Variants in ZDHHC18 observed in about 807,000 individuals in gnomAD.
The protein encoded by ZDHHC18 is palmitoyltransferase ZDHHC18.
Under a neutral mutation model 37.5 loss-of-function variants are expected in ZDHHC18, and 23 were observed. That is an observed-to-expected ratio of 0.61 (90% CI 0.44 to 0.87). The LOEUF is 0.87. Ranked by LOEUF, ZDHHC18 falls within the 40% of genes least tolerant of loss-of-function variation. The pLI, the probability that ZDHHC18 is intolerant of heterozygous loss-of-function variation, is 0.00. For missense variants in ZDHHC18, 406 were observed against 525.6 expected (o/e 0.77, Z 2.22); for synonymous variants, 185 against 218.7 (o/e 0.85, Z 1.36).
chr1:26,830,774 TTG>T (rs1557639731), intron 1 of ZDHHC18, among the ~76,000 whole-genome samples: 2 of 15,202 alleles, frequency 1.3e-4, no homozygotes, highest in Non-Finnish European at 2.0e-4. Context: ...TGTTTGTTTG[TTG>T]TTGTTGTTGT....
chr1:26,845,905 G>A (rs1570672826), intron 2 of ZDHHC18, among the ~76,000 whole-genome samples: 2 of 151,930 alleles, frequency 1.3e-5, no homozygotes, highest in Admixed American at 6.6e-5. Context: ...GGGACCACAG[G>A]CATGAGCAAC....
chr1:26,841,965 C>T (rs2081641315), intron 2 of ZDHHC18, among the ~76,000 whole-genome samples: 2 of 152,006 alleles, frequency 1.3e-5, no homozygotes, highest in Non-Finnish European at 2.9e-5. Flanking sequence ...GAAACCCTGT[C>T]TCTACTAACA....
intron 6 of ZDHHC18, among the ~76,000 whole-genome samples, 191 bp downstream of exon 6, chr1:26,851,422 C>CA (rs966031559): frequency 6.6e-5 from 10 of 152,226 alleles, no homozygotes; most frequent in African/African-American, 2.4e-4. Context: ...CTGACACCTC[C>CA]ACATGCTTCA....
At chr1:26,836,566 T>C (rs945496542) in intron 2 of ZDHHC18, among the ~76,000 whole-genome samples, 4 of 151,232 alleles carry the variant, frequency 2.6e-5, no homozygotes, top group Non-Finnish European at 4.4e-5. Context: ...TTTTTTTTCT[T>C]TTTTTCTTTT....
chr1:26,841,056 A>G (rs925998505), intron 2 of ZDHHC18, among the ~76,000 whole-genome samples: 3 of 152,100 alleles, frequency 2.0e-5, no homozygotes, highest in African/African-American at 4.8e-5. Context: ...AGCTCACTGC[A>G]ACCTCTGCCT....
At chr1:26,829,516 C>G (rs1161340870) in intron 1 of ZDHHC18, among the ~76,000 whole-genome samples, 2 of 152,116 alleles carry the variant, frequency 1.3e-5, no homozygotes, top group Non-Finnish European at 2.9e-5. Flanking sequence ...CCTGTCCATC[C>G]GCACAGCATA....
intron 6 of ZDHHC18, 78 bp downstream of exon 6, chr1:26,851,309 C>A: frequency 7.3e-7 from 1 of 1,369,404 alleles, no homozygotes; most frequent in Non-Finnish European, 1.0e-6. Context: ...CCTGGGGCAG[C>A]CAAGCACAGT....
At chr1:26,834,401 A>T (rs189924294) in intron 2 of ZDHHC18, among the ~76,000 whole-genome samples, 172 of 152,334 alleles carry the variant, frequency 1.1e-3, no homozygotes, top group African/African-American at 3.7e-3. Flanking sequence ...AAGCAGAGAC[A>T]GAGTGTGTGC....
At position 26,850,958 on chromosome 1, in the gene ZDHHC18, C is replaced by T. The variant is rs1007395666; in HGVS notation, c.834-171C>T. On this transcript the variant is annotated intron_variant, in intron 5 of 7. Coordinates refer to ENST00000374142, the MANE Select transcript of ZDHHC18 (RefSeq NM_032283.3). The surrounding 1 kb of genome is among the most constrained non-coding windows in gnomAD (Gnocchi z 6.1). ...CTCTTGAGTGGGGTCCTGACCCTTC[C>T]GAGGGGCCCAGGAGGTGATCCTGCT... 6.6e-5 allele frequency among the ~76,000 whole-genome samples: 10 copies of T among 152,252 alleles called. No individual in the cohort carries two copies. The highest frequency in any genetic ancestry group is 3.9e-4 in the East Asian group (2 of 5,172).
At chr1:26,840,632 G>A (rs1010392851) in intron 2 of ZDHHC18, among the ~76,000 whole-genome samples, 2 of 152,014 alleles carry the variant, frequency 1.3e-5, no homozygotes, top group African/African-American at 4.8e-5. Flanking sequence ...AGTAGAGATG[G>A]GGTTTCAGTG....
Position 26,826,737 on chromosome 1 carries a change from G to T in ZDHHC18, c.-68G>T, listed in dbSNP as rs2081558230. 2 of 820,704 alleles carry T rather than the reference G, an allele frequency of 2.4e-6. No individual in the cohort carries two copies. Among genetic ancestry groups the T allele is most frequent in the Non-Finnish European group, 2.9e-6 (2 of 681,966 alleles). The allele number at this position is 820,704 out of a possible 1,614,324, so 50.8% of individuals were successfully genotyped here. ...GCGCGCCGCCGCTGCCACCTCCGCTGCTCGGCCCGGTCCCGGAGTGGCCCG... is the reference window on the plus strand; with the variant it reads ...GCGCGCCGCCGCTGCCACCTCCGCTTCTCGGCCCGGTCCCGGAGTGGCCCG... On this transcript the variant is annotated 5_prime_UTR_variant, in exon 1 of 8. Transcript: ENST00000374142. This position sits in a 1 kb window ranked among gnomAD's most constrained non-coding sequence, Gnocchi z 5.2.
chr1:26,841,371 C>G (rs1046818433), intron 2 of ZDHHC18, among the ~76,000 whole-genome samples: 1 of 152,074 alleles, frequency 6.6e-6, no homozygotes, highest in African/African-American at 2.4e-5. Flanking sequence ...TGGCCTCAAG[C>G]AATCCTCCTG....
rs759792502 is a variant in ZDHHC18, at chr1:26,850,271, AC to A, written c.647-29del. On this transcript the variant is annotated intron_variant, in intron 3 of 7. Transcript: ENST00000374142. This position sits in a 1 kb window ranked among gnomAD's most constrained non-coding sequence, Gnocchi z 6.1. ...CTGTGCTGGCTGCAGGCCAGCCCAC[AC>A]TAACCCATCGCCCCTTGCCCTTGTC... The A allele has an allele frequency of 2.5e-6, 4 of 1,611,020 alleles. No individual in the cohort carries two copies. The Admixed American group carries it at 6.7e-5, about 27-fold the overall frequency.
At chr1:26,846,208 G>T (rs1472109623) in intron 2 of ZDHHC18, among the ~76,000 whole-genome samples, 2 of 16,424 alleles carry the variant, frequency 1.2e-4, no homozygotes, top group African/African-American at 7.0e-4. Flanking sequence ...ATATATACAC[G>T]TATATACATA....
chr1:26,841,587 G>A (rs2081639482), intron 2 of ZDHHC18, among the ~76,000 whole-genome samples: 1 of 152,190 alleles, frequency 6.6e-6, no homozygotes, highest in Non-Finnish European at 1.5e-5. Flanking sequence ...CAGTGAGTGG[G>A]GAGCCAAAAG....
In ZDHHC18 at chr1:26,848,777, G is replaced by A. The variant is rs1398533251; in HGVS notation, c.646+20G>A. 1.2e-6 allele frequency: 2 copies of A among 1,600,836 alleles called. No homozygotes were observed. Among genetic ancestry groups the A allele is most frequent in the Non-Finnish European group, 1.7e-6 (2 of 1,168,886 alleles). The stretch of plus-strand genomic sequence containing the variant: ...GTGTGGGTGAGTAGGAGGCAGCAGG[G>A]AGGGATGCAGGGATTCCTGAGAGAG... On this transcript the variant is annotated intron_variant, in intron 3 of 7. Transcript: ENST00000374142.
At chr1:26,841,533 A>G (rs920216313) in intron 2 of ZDHHC18, among the ~76,000 whole-genome samples, 1 of 152,138 alleles carries the variant, frequency 6.6e-6, no homozygotes, top group Non-Finnish European at 1.5e-5. Flanking sequence ...TTATACCTAC[A>G]TGTGTTTCTG....
rs1255429940 is a variant in ZDHHC18 at position 26,855,451 on chromosome 1, C to T, written c.*1608C>T. The T allele has an allele frequency of 6.5e-6, 1 of 152,704 alleles. No individual in the cohort carries two copies. Among genetic ancestry groups the T allele is most frequent in the Non-Finnish European group, 1.5e-5 (1 of 68,090 alleles). The allele number at this position is 152,704 out of a possible 1,614,324, so 9.5% of individuals were successfully genotyped here. A position where few individuals can be genotyped will look rare whatever the true frequency, so the allele number is the denominator to read the frequency against. ...CCCCCTCCTTGGCCCTTCAAGTGGG[C>T]TGAAGCCCTTGGAAAGTGACATAGG... On this transcript the variant is annotated 3_prime_UTR_variant, in exon 8 of 8. Transcript: ENST00000374142.
At chr1:26,835,293 T>G (rs935685233) in intron 2 of ZDHHC18, among the ~76,000 whole-genome samples, 2 of 152,276 alleles carry the variant, frequency 1.3e-5, no homozygotes, top group African/African-American at 4.8e-5. Context: ...AAGACTTTTC[T>G]TGGCGAACAG....
Sources: allele counts gnomAD v4.1 joint callset (sites outside exome capture counted in the v4.1 genomes callset), GRCh38; gene constraint gnomAD v4.1.1; non-coding constraint Gnocchi (gnomAD v3.1); transcripts MANE v1.5; gene names NCBI Gene and HGNC (gene_info 2026-07-23, HGNC 2026-07-21).